Variants in LIPA observed in about 807,000 individuals in gnomAD.
The protein encoded by LIPA is lipase A, lysosomal acid type.
LIPA carries 26 observed loss-of-function variants against 40.6 expected under a neutral mutation model. The ratio of observed to expected loss-of-function variants is 0.64; its 90% confidence interval spans 0.47 to 0.89. LIPA has a LOEUF of 0.89. Ranked by LOEUF, LIPA falls within the 40% of genes least tolerant of loss-of-function variation. The pLI, the probability that LIPA is intolerant of heterozygous loss-of-function variation, is 0.00. For synonymous variants in LIPA, 188 were observed against 168.4 expected (o/e 1.12, Z -0.90); for missense variants, 455 against 479.6 (o/e 0.95, Z 0.48).
At chr10:89,296,257 C>T (rs1482920928) in intron 1 of LIPA, among the ~76,000 whole-genome samples, 1 of 151,950 alleles carries the variant, frequency 6.6e-6, no homozygotes, top group African/African-American at 2.4e-5. Context: ...GGGAGTGCTT[C>T]CCAAGGCGGG....
At chr10:89,239,810 A>G (rs1429187348) in intron 3 of LIPA, among the ~76,000 whole-genome samples, 1 of 152,168 alleles carries the variant, frequency 6.6e-6, no homozygotes, top group African/African-American at 2.4e-5. Context: ...TCTGAGGCTT[A>G]GAGAGACTAA....
At chr10:89,267,281 T>C (rs368887312) in intron 1 of LIPA, among the ~76,000 whole-genome samples, 3 of 152,142 alleles carry the variant, frequency 2.0e-5, no homozygotes, top group African/African-American at 7.2e-5. Context: ...CCCCAGGTAG[T>C]AGCAGTTCAG....
intron 1 of LIPA, chr10:89,302,263 G>T: frequency 1.1e-6 from 1 of 904,002 alleles, no homozygotes; most frequent in South Asian, 1.4e-5. Flanking sequence ...CTCTACCTCT[G>T]TTGGTTGTAA....
chr10:89,371,326 A>G (rs1463093872), intron 2 of LIPA, among the ~76,000 whole-genome samples: 1 of 152,246 alleles, frequency 6.6e-6, no homozygotes, highest in African/African-American at 2.4e-5. Context: ...TTACAGATGG[A>G]GAATCTTGAT....
upstream of LIPA, among the ~76,000 whole-genome samples, chr10:89,343,136 CAA>C (rs1445033438): frequency 1.3e-5 from 2 of 152,156 alleles, no homozygotes; most frequent in African/African-American, 2.4e-5. Flanking sequence ...GACAAGTTAA[CAA>C]GAGAAAAGCA....
chr10:89,301,817 G>A (rs1354277073), intron 1 of LIPA: 4 of 301,616 alleles, frequency 1.3e-5, no homozygotes, highest in Non-Finnish European at 2.5e-5. Context: ...TTTAAGTGAA[G>A]CACCAGGCCG....
intron 2 of LIPA, chr10:89,393,104 C>T (rs1844281981): frequency 1.5e-6 from 2 of 1,291,842 alleles, no homozygotes; most frequent in Admixed American, 2.3e-5. Context: ...TTGCTTTCTG[C>T]AGGTTCTTTA....
chr10:89,260,120 A>G (rs1843200074), intron 1 of LIPA, among the ~76,000 whole-genome samples: 1 of 152,232 alleles, frequency 6.6e-6, no homozygotes, highest in African/African-American at 2.4e-5. Context: ...TATGACAGAT[A>G]TAATCCTAAT....
chr10:89,306,064 C>G, intron 1 of LIPA: 1 of 1,614,064 alleles, frequency 6.2e-7, no homozygotes, highest in Non-Finnish European at 8.5e-7. Flanking sequence ...ATTTTGAAGA[C>G]AAAGTATTTT....
chr10:89,398,458 C>T (rs1000752167), intron 2 of LIPA, among the ~76,000 whole-genome samples: 1 of 152,190 alleles, frequency 6.6e-6, no homozygotes. Flanking sequence ...TAGAGCCAGG[C>T]AGTCACCTAG....
At chr10:89,330,146 A>G (rs1282469769) in intron 1 of LIPA, among the ~76,000 whole-genome samples, 1 of 152,248 alleles carries the variant, frequency 6.6e-6, no homozygotes, top group Non-Finnish European at 1.5e-5. Flanking sequence ...GTCACAGGAT[A>G]TGATGGCTTA....
At chr10:89,383,492 A>G (rs755878650) in intron 2 of LIPA, 1 of 1,614,222 alleles carries the variant, frequency 6.2e-7, no homozygotes, top group South Asian at 1.1e-5. Flanking sequence ...CTACTAGCCT[A>G]TGTGAAACAC....
intron 2 of LIPA, among the ~76,000 whole-genome samples, chr10:89,380,025 A>C (rs1356067847): frequency 2.0e-5 from 3 of 146,892 alleles, no homozygotes; most frequent in East Asian, 2.0e-4. Flanking sequence ...ACAGAGTGAG[A>C]CTCCGTCTCA....
At chr10:89,243,053 C>T (rs1012647964) in intron 3 of LIPA, among the ~76,000 whole-genome samples, 1 of 152,112 alleles carries the variant, frequency 6.6e-6, no homozygotes, top group African/African-American at 2.4e-5. Context: ...GATGCTGGTG[C>T]TATTAATAAT....
intron 3 of LIPA, among the ~76,000 whole-genome samples, chr10:89,232,955 T>G (rs1842860090): frequency 6.6e-6 from 1 of 152,234 alleles, no homozygotes; most frequent in Non-Finnish European, 1.5e-5. Flanking sequence ...CTGGAGCATG[T>G]GCTACCCAGG....
chr10:89,287,233 C>G (rs951948913), intron 1 of LIPA, among the ~76,000 whole-genome samples: 1 of 152,194 alleles, frequency 6.6e-6, no homozygotes, highest in Admixed American at 6.5e-5. Flanking sequence ...GTAACTCTTA[C>G]AGTAGAGGGT....
chr10:89,312,816 A>G (rs1249473995), intron 1 of LIPA, among the ~76,000 whole-genome samples: 1 of 151,860 alleles, frequency 6.6e-6, no homozygotes, highest in Non-Finnish European at 1.5e-5. Context: ...CTCAAAAAAA[A>G]AAAATAATAA....
upstream of LIPA, among the ~76,000 whole-genome samples, chr10:89,347,128 T>C (rs1315108811): frequency 1.3e-5 from 2 of 152,204 alleles, no homozygotes; most frequent in African/African-American, 4.8e-5. Context: ...ATAACAAAAG[T>C]ATACAGAGCA....
At chr10:89,238,177 G>A (rs2133451694) in intron 3 of LIPA, among the ~76,000 whole-genome samples, 1 of 152,354 alleles carries the variant, frequency 6.6e-6, no homozygotes, top group Admixed American at 6.5e-5. Flanking sequence ...CAAAAAGGTG[G>A]AGGGTGGGAG....
Sources: allele counts gnomAD v4.1 joint callset (sites outside exome capture counted in the v4.1 genomes callset), GRCh38; gene constraint gnomAD v4.1.1; transcripts MANE v1.5; gene names NCBI Gene and HGNC (gene_info 2026-07-23, HGNC 2026-07-21).